Variants in GLDC observed in about 807,000 individuals in gnomAD.
GLDC encodes the protein glycine decarboxylase.
In GLDC, 104 loss-of-function variants were observed where a neutral mutation model predicts 121.3. The observed-to-expected ratio is 0.86, with a 90% confidence interval of 0.73 to 1.01. The LOEUF (loss-of-function observed/expected upper bound fraction) is 1.01. GLDC is among the 50% of genes least tolerant of loss of function. The pLI is 0.00. For missense variants in GLDC, 1,429 were observed against 1,306.6 expected (o/e 1.09, Z -1.44); for synonymous variants, 546 against 480.6 (o/e 1.14, Z -1.78).
intron 24 of GLDC, chr9:6,534,321 T>A (rs2129643952): frequency 3.6e-6 from 1 of 278,968 alleles, no homozygotes; most frequent in South Asian, 4.4e-5. Flanking sequence ...TAGCATAATT[T>A]GGCACATTTT....
chr9:6,603,365 C>A (rs1433945005), intron 7 of GLDC, among the ~76,000 whole-genome samples: 1 of 151,884 alleles, frequency 6.6e-6, no homozygotes, highest in Non-Finnish European at 1.5e-5. Context: ...CCTGGTAATC[C>A]GAGCATTTTG....
intron 16 of GLDC, among the ~76,000 whole-genome samples, chr9:6,564,789 G>A (rs940492713): frequency 5.3e-5 from 8 of 152,236 alleles, no homozygotes; most frequent in African/African-American, 9.6e-5. Context: ...CCCAAGAGGC[G>A]ATTGGGATCC....
intron 15 of GLDC, among the ~76,000 whole-genome samples, chr9:6,578,145 C>T (rs1327777478): frequency 6.6e-6 from 1 of 151,402 alleles, no homozygotes; most frequent in African/African-American, 2.4e-5. Context: ...TTTTTCGAGA[C>T]AGGATCTTGC....
At chr9:6,553,141 A>C (rs563314215) in intron 20 of GLDC, among the ~76,000 whole-genome samples, 5 of 152,124 alleles carry the variant, frequency 3.3e-5, no homozygotes, top group East Asian at 1.9e-4. Flanking sequence ...TGTTAAACCC[A>C]CTCTGAGAAC....
At chr9:6,561,903 C>A (rs1453106755) in intron 16 of GLDC, among the ~76,000 whole-genome samples, 1 of 152,174 alleles carries the variant, frequency 6.6e-6, no homozygotes, top group Non-Finnish European at 1.5e-5. Context: ...TAAAATCTAA[C>A]AACCAAAGGC....
intron 2 of GLDC, among the ~76,000 whole-genome samples, chr9:6,635,697 A>T (rs933314342): frequency 6.6e-6 from 1 of 151,550 alleles, no homozygotes; most frequent in Non-Finnish European, 1.5e-5. Flanking sequence ...ACATATTGAG[A>T]CCCCCATGTC....
chr9:6,631,748 G>A (rs1013295068), intron 2 of GLDC, among the ~76,000 whole-genome samples: 2 of 152,192 alleles, frequency 1.3e-5, no homozygotes, highest in Non-Finnish European at 2.9e-5. Flanking sequence ...TATCATGCTT[G>A]AGAAAAAGAT....
chr9:6,607,891 G>C (rs188719660), intron 4 of GLDC, among the ~76,000 whole-genome samples: 163 of 152,112 alleles, frequency 1.1e-3, no homozygotes, highest in Middle Eastern at 0.01. Flanking sequence ...GGGAGGCTGA[G>C]GTGGGTGGAT....
At chr9:6,533,278 G>GAGAACCTAAAATCCAA in intron 24 of GLDC, 118 bp from the exon 25 acceptor site, 1 of 902,060 alleles carries the variant, frequency 1.1e-6, no homozygotes, top group Non-Finnish European at 1.9e-6. Flanking sequence ...CAAATATTCT[G>GAGAACCTAAAATCCAA]AGAACCTAAA....
intron 24 of GLDC, chr9:6,534,182 CAAA>C (rs1225665276): frequency 1.5e-3 from 83 of 56,632 alleles, no homozygotes; most frequent in Admixed American, 3.1e-3. Context: ...GACTCCGTCT[CAAA>C]AAAAAAAAAA....
At chr9:6,633,954 C>T (rs1226550646) in intron 2 of GLDC, among the ~76,000 whole-genome samples, 2 of 150,600 alleles carry the variant, frequency 1.3e-5, no homozygotes, top group African/African-American at 4.9e-5. Flanking sequence ...CTCAGCCTCC[C>T]GAGTAGCTGG....
intron 15 of GLDC, among the ~76,000 whole-genome samples, chr9:6,586,503 G>A (rs1818275122): frequency 6.6e-6 from 1 of 152,068 alleles, no homozygotes; most frequent in Non-Finnish European, 1.5e-5. Context: ...AGAGGAGAAG[G>A]GACCTTTCAA....
intron 2 of GLDC, among the ~76,000 whole-genome samples, chr9:6,641,987 G>A (rs114830779): frequency 1.3e-5 from 2 of 152,132 alleles, no homozygotes; most frequent in Non-Finnish European, 2.9e-5. Context: ...GCACCAATTT[G>A]CTCTCCCCAC....
intron 15 of GLDC, among the ~76,000 whole-genome samples, chr9:6,575,334 G>A (rs1818044628): frequency 6.6e-6 from 1 of 152,178 alleles, no homozygotes; most frequent in South Asian, 2.1e-4. Flanking sequence ...GTCTCCCCAG[G>A]TAATTCTAAC....
chr9:6,588,190 AAAT>A (rs1239058712), intron 14 of GLDC, among the ~76,000 whole-genome samples: 2 of 152,212 alleles, frequency 1.3e-5, no homozygotes, highest in African/African-American at 4.8e-5. Context: ...TTTTATTAAA[AAAT>A]AATAAGTTTA....
chr9:6,631,131 G>A (rs1029608797), intron 2 of GLDC, among the ~76,000 whole-genome samples: 1 of 152,208 alleles, frequency 6.6e-6, no homozygotes, highest in African/African-American at 2.4e-5. Context: ...GGCCCAACCT[G>A]GGGCTCTGAG....
intron 15 of GLDC, among the ~76,000 whole-genome samples, chr9:6,580,697 G>C (rs1349139367): frequency 5.3e-5 from 8 of 152,066 alleles, no homozygotes; most frequent in African/African-American, 1.7e-4. Flanking sequence ...TCAAAAGCTG[G>C]TGCCATAGTT....
At chr9:6,642,612 G>C (rs901452735) in intron 2 of GLDC, among the ~76,000 whole-genome samples, 8 of 152,260 alleles carry the variant, frequency 5.3e-5, no homozygotes, top group African/African-American at 1.9e-4. Context: ...CCACAGTGAA[G>C]AATCAGAATC....
chr9:6,629,148 C>A (rs546727029), intron 2 of GLDC, among the ~76,000 whole-genome samples: 1 of 151,824 alleles, frequency 6.6e-6, no homozygotes, highest in African/African-American at 2.4e-5. Flanking sequence ...AAAATAGCAA[C>A]AGTTTTGCAC....
Sources: gnomAD v4.1 joint callset for allele counts (sites outside exome capture counted in the v4.1 genomes callset) on GRCh38, gnomAD v4.1.1 for gene constraint, MANE v1.5 for transcripts, NCBI Gene and HGNC (gene_info 2026-07-23, HGNC 2026-07-21) for gene names.